The following TNR variants were observed in gnomAD, a reference collection of about 807,000 sequenced individuals.
TNR encodes tenascin-R.
Under a neutral mutation model 150.4 loss-of-function variants are expected in TNR, and 45 were observed. The ratio of observed to expected loss-of-function variants is 0.30; its 90% CI spans 0.24 to 0.38. TNR has a LOEUF of 0.38. Ranked by LOEUF, TNR falls within the 10% of genes least tolerant of loss-of-function variation. The pLI, the probability that TNR is intolerant of heterozygous loss-of-function variation, is 1.00. For missense variants in TNR, 1,544 were observed against 1,759.1 expected, an observed-to-expected ratio of 0.88 and a Z score of 2.19; for synonymous variants, 687 against 678.4, an observed-to-expected ratio of 1.01 and a Z score of -0.20.
intron 8 of TNR, 28 bp downstream of exon 8, chr1:175,386,004 G>A (rs201062817): frequency 6.5e-7 from 1 of 1,535,614 alleles, no homozygotes. Flanking sequence ...TTCCCTCCTT[G>A]TGCGTCTCTC....
chr1:175,730,330 G>C (rs1020501123), intron 1 of TNR, among the ~76,000 whole-genome samples: 1 of 152,164 alleles, frequency 6.6e-6, no homozygotes. Context: ...ACCCTGAGCA[G>C]AATGAGTCAC....
At position 175,366,152 on chromosome 1, in the gene TNR, T is replaced by C. The variant is rs1438506215; in HGVS notation, c.2054-14A>G. ...GACTGTCAAGTTCTGTGGATTGACA[T>C]AAATGGCCTATTTTACATGTGTTCC... On this transcript the variant is annotated splice_polypyrimidine_tract_variant and intron_variant, in intron 10 of 22. Coordinates refer to ENST00000367674, the MANE Select transcript of TNR (RefSeq NM_003285.3). The C allele has an allele frequency of 3.2e-6, 5 of 1,577,022 alleles. No individual in the cohort carries two copies. Among genetic ancestry groups the C allele is most frequent in the Non-Finnish European group, 3.4e-6 (4 of 1,160,888 alleles).
At chr1:175,498,586 C>G (rs1658587061) in intron 2 of TNR, among the ~76,000 whole-genome samples, 1 of 152,196 alleles carries the variant, frequency 6.6e-6, no homozygotes, top group Non-Finnish European at 1.5e-5. Flanking sequence ...AACTTATGTG[C>G]CATCATCCCT....
At chr1:175,650,839 C>T (rs1325301940) in intron 1 of TNR, among the ~76,000 whole-genome samples, 4 of 102,576 alleles carry the variant, frequency 3.9e-5, no homozygotes, top group South Asian at 3.3e-4. Context: ...ACCCCTCCCC[C>T]ACCTCATTAC....
chr1:175,336,402 G>A (rs1482575085), intron 19 of TNR, among the ~76,000 whole-genome samples: 4 of 152,228 alleles, frequency 2.6e-5, no homozygotes, highest in Non-Finnish European at 5.9e-5. Context: ...AAGAGTAGCT[G>A]TTATGAGCAC....
chr1:175,324,694 A>G (rs1477226499), intron 21 of TNR, among the ~76,000 whole-genome samples, 175 bp from the exon 22 acceptor site: 1 of 152,098 alleles, frequency 6.6e-6, no homozygotes, highest in Non-Finnish European at 1.5e-5. Flanking sequence ...CCCTGGGGCC[A>G]ACCACTTCCA....
intron 1 of TNR, among the ~76,000 whole-genome samples, chr1:175,711,934 A>C (rs1667030169): frequency 6.6e-6 from 1 of 152,210 alleles, no homozygotes; most frequent in South Asian, 2.1e-4. Context: ...CATTCAGGTG[A>C]AAATGCTGTG....
chr1:175,362,564 A>G, intron 14 of TNR, 99 bp downstream of exon 14: 1 of 1,462,810 alleles, frequency 6.8e-7, no homozygotes, highest in Non-Finnish European at 9.3e-7. Flanking sequence ...GCACCCCGAA[A>G]TGGAGCCTTA....
At chr1:175,443,335 T>C (rs1655880165) in intron 2 of TNR, among the ~76,000 whole-genome samples, 1 of 152,184 alleles carries the variant, frequency 6.6e-6, no homozygotes. Context: ...TTTTGGAGAA[T>C]GTCACTCTTA....
intron 1 of TNR, among the ~76,000 whole-genome samples, chr1:175,665,419 G>A (rs986751377): frequency 1.3e-5 from 2 of 152,176 alleles, no homozygotes; most frequent in Non-Finnish European, 2.9e-5. Flanking sequence ...CCAGAAGGCA[G>A]GTGGGTGTGT....
At chr1:175,420,201 A>G (rs6669572) in intron 2 of TNR, among the ~76,000 whole-genome samples, 1,632 of 152,276 alleles carry the variant, frequency 0.011, 36 homozygotes, top group African/African-American at 0.038. Context: ...ACCTGGACAC[A>G]GTTCCCTCAC....
chr1:175,686,163 A>G (rs1666193288), intron 1 of TNR, among the ~76,000 whole-genome samples: 1 of 152,210 alleles, frequency 6.6e-6, no homozygotes, highest in African/African-American at 2.4e-5. Flanking sequence ...TATTCAAACA[A>G]CACTTACTGA....
intron 2 of TNR, among the ~76,000 whole-genome samples, chr1:175,508,049 G>A (rs561912590): frequency 2.0e-5 from 3 of 152,142 alleles, no homozygotes; most frequent in Non-Finnish European, 2.9e-5. Context: ...TTGTAAGTGG[G>A]AGTTGAACAA....
chr1:175,640,106 T>A (rs1273155207), intron 1 of TNR, among the ~76,000 whole-genome samples: 1 of 152,236 alleles, frequency 6.6e-6, no homozygotes, highest in Non-Finnish European at 1.5e-5. Flanking sequence ...TTCTTGCATA[T>A]TTGGAAGGTG....
At chr1:175,353,724 T>G (rs1651174704) in intron 18 of TNR, among the ~76,000 whole-genome samples, 1 of 152,258 alleles carries the variant, frequency 6.6e-6, no homozygotes, top group Admixed American at 6.5e-5. Flanking sequence ...TTACTACTGC[T>G]GCTTTTACTA....
chr1:175,486,421 C>T (rs1658019220), intron 2 of TNR, among the ~76,000 whole-genome samples: 1 of 152,234 alleles, frequency 6.6e-6, no homozygotes, highest in East Asian at 1.9e-4. Flanking sequence ...TGATGGTTTC[C>T]AGCTTCATCC....
At chr1:175,371,600 A>G (rs1485379) in intron 9 of TNR, among the ~76,000 whole-genome samples, 27,375 of 152,142 alleles carry the variant, frequency 0.18, 3,075 homozygotes, top group Non-Finnish European at 0.24. Flanking sequence ...AGAAGTAAAA[A>G]ATGAAGACTT....
chr1:175,359,678 G>A lies in TNR; in HGVS notation c.2908C>T (p.Leu970=). The A allele has an allele frequency of 1.2e-6, 2 of 1,613,916 alleles. No individual in the cohort carries two copies. Among genetic ancestry groups the A allele is most frequent in the Non-Finnish European group, 1.7e-6 (2 of 1,179,900 alleles). Residue 970 remains leucine, a synonymous_variant, in exon 15 of 23, where the codon CTG becomes TTG. Transcript: ENST00000367674. ...CCCACTGGTGCCTTCCACTGCAGCA[G>A]GGCTTCTGTTGGAGTGATATTGGTA... ...IATNITPTEA[L]LQWKAPVGEV... is the part of the protein sequence containing the mutation.
rs112681618 is a variant in TNR, at chr1:175,584,823, A to G, written c.-164-56454T>C. 9.2e-3 allele frequency among the ~76,000 whole-genome samples: 1,398 copies of G among 152,298 alleles called. 25 individuals are homozygous for G. Among genetic ancestry groups the G allele is most frequent in the African/African-American group, 0.031 (1,274 of 41,556 alleles). ...AAAAAAGTTTGGTTTAATTTATTTT[A>G]GGCTTAGGAGCTTGTACTAATTAGT... On this transcript the variant is annotated intron_variant, in intron 1 of 22. Coordinates refer to ENST00000367674, the MANE Select transcript of TNR (RefSeq NM_003285.3).
Sources: gnomAD v4.1 joint callset for allele counts (sites outside exome capture counted in the v4.1 genomes callset) on GRCh38, gnomAD v4.1.1 for gene constraint, MANE v1.5 for transcripts, NCBI Gene and HGNC (gene_info 2026-07-23, HGNC 2026-07-21) for gene names.